The following PARP15 variants were observed in gnomAD, a reference collection of about 807,000 sequenced individuals.
PARP15 encodes the protein poly(ADP-ribose) polymerase family member 15, also known as protein mono-ADP-ribosyltransferase PARP15.
In PARP15, 50 loss-of-function variants were observed where a neutral mutation model predicts 62.1. The observed-to-expected ratio is 0.81, with a 90% CI of 0.64 to 1.02. The LOEUF is 1.02. PARP15 is among the 50% of genes least tolerant of loss of function. The pLI, the probability that PARP15 is intolerant of heterozygous loss-of-function variation, is 0.00. For missense variants in PARP15, 820 were observed against 826.5 expected (o/e 0.99, Z 0.10); for synonymous variants, 309 against 293.1 (o/e 1.05, Z -0.55).
At chr3:122,619,509 T>G (rs1936199942) in intron 6 of PARP15, among the ~76,000 whole-genome samples, 1 of 152,168 alleles carries the variant, frequency 6.6e-6, no homozygotes, top group African/African-American at 2.4e-5. Flanking sequence ...GCAAAAAATT[T>G]CAAATAACTG....
intron 6 of PARP15, among the ~76,000 whole-genome samples, chr3:122,618,834 C>T (rs192252118): frequency 9.2e-5 from 14 of 152,262 alleles, no homozygotes; most frequent in Admixed American, 2.0e-4. Flanking sequence ...GCTGCCTGCT[C>T]GCCTTACACT....
In PARP15 at chr3:122,586,258, G is replaced by A. The variant is rs560879108; in HGVS notation, c.186+8405G>A. Reference sequence around the variant, plus strand: ...TTTTTTTCCTATCACCTCTGTTGGAGTGCAGTGGCCTAATCATGACTCACT... The same window carrying A: ...TTTTTTTCCTATCACCTCTGTTGGAATGCAGTGGCCTAATCATGACTCACT... On this transcript the variant is annotated intron_variant, in intron 1 of 11. Transcript: ENST00000464300. 2.5e-4 allele frequency among the ~76,000 whole-genome samples: 38 copies of A among 151,792 alleles called. 1 individual carries two copies. The East Asian group carries it at 2.7e-3, about 11-fold the overall frequency.
At chr3:122,620,825 C>T (rs897923235) in intron 7 of PARP15, among the ~76,000 whole-genome samples, 3 of 152,014 alleles carry the variant, frequency 2.0e-5, no homozygotes, top group Non-Finnish European at 2.9e-5. Flanking sequence ...ATCCACTCTC[C>T]TCCTCCCTTT....
chr3:122,633,831 T>C (rs2877628), intron 10 of PARP15, among the ~76,000 whole-genome samples: 57,633 of 152,016 alleles, frequency 0.38, 11,036 homozygotes, highest in East Asian at 0.48. Flanking sequence ...ACAATATCTG[T>C]GACTTTCTTG....
intron 1 of PARP15, among the ~76,000 whole-genome samples, chr3:122,596,810 A>C (rs890841587): frequency 6.6e-6 from 1 of 152,212 alleles, no homozygotes; most frequent in East Asian, 1.9e-4. Flanking sequence ...GGTGAAGCCA[A>C]AAAGTATCCC....
At chr3:122,619,096 C>T (rs1170950671) in intron 6 of PARP15, among the ~76,000 whole-genome samples, 4 of 152,086 alleles carry the variant, frequency 2.6e-5, no homozygotes, top group African/African-American at 7.2e-5. Flanking sequence ...TTCTGCATGC[C>T]GGCTTCTGTG....
At position 122,615,084 on chromosome 3, in the gene PARP15, A is replaced by C. The variant is rs78899654; in HGVS notation, c.772-695A>C. The C allele has an allele frequency of 2.2e-4, 215 of 984,408 alleles. No individual in the cohort carries two copies. In the African/African-American group the frequency reaches 3.6e-3, roughly 17 times the overall value. The allele number at this position is 984,408 out of a possible 1,614,324, so 61.0% of individuals were successfully genotyped here. A position where few individuals can be genotyped will look rare whatever the true frequency, so the allele number is the denominator to read the frequency against. Reference sequence around the variant, plus strand: ...AAAGAAAGAAAGAAAGAGAAAAAGAAAAAGTAGAAACAGTCCCAAAGATAC... The same window carrying C: ...AAAGAAAGAAAGAAAGAGAAAAAGACAAAGTAGAAACAGTCCCAAAGATAC... On this transcript the variant is annotated intron_variant, in intron 4 of 11. Coordinates refer to ENST00000464300, the MANE Select transcript of PARP15 (RefSeq NM_001113523.3).
At chr3:122,597,304 C>T (rs528781792) in intron 1 of PARP15, among the ~76,000 whole-genome samples, 1 of 152,148 alleles carries the variant, frequency 6.6e-6, no homozygotes, top group Non-Finnish European at 1.5e-5. Context: ...TAGGTTTCAA[C>T]ATCAGTTTTG....
intron 10 of PARP15, among the ~76,000 whole-genome samples, chr3:122,633,153 A>G (rs1937155451): frequency 6.6e-6 from 1 of 152,198 alleles, no homozygotes; most frequent in African/African-American, 2.4e-5. Context: ...AGGTACTTTG[A>G]TAACTTTTCA....
chr3:122,612,038 T>C (rs1291241899), intron 3 of PARP15, among the ~76,000 whole-genome samples: 1 of 151,192 alleles, frequency 6.6e-6, no homozygotes, highest in South Asian at 2.1e-4. Flanking sequence ...TTAGTTGAGA[T>C]TCTCTTTCTC....
chr3:122,597,615 C>T (rs74772837), intron 1 of PARP15, among the ~76,000 whole-genome samples: 11,090 of 152,010 alleles, frequency 0.073, 1,312 homozygotes, highest in African/African-American at 0.25. Context: ...TATCCCAGAC[C>T]ATACCTTATA....
At chr3:122,599,962 T>C (rs934292842) in intron 1 of PARP15, among the ~76,000 whole-genome samples, 3 of 152,142 alleles carry the variant, frequency 2.0e-5, no homozygotes, top group African/African-American at 7.2e-5. Flanking sequence ...ATCTGACACA[T>C]AACAGGTACC....
chr3:122,606,545 C>T (rs892938013), intron 2 of PARP15, among the ~76,000 whole-genome samples: 3 of 152,186 alleles, frequency 2.0e-5, no homozygotes, highest in African/African-American at 7.2e-5. Flanking sequence ...TCCTCTCCTA[C>T]TGTTTCCTCT....
intron 1 of PARP15, among the ~76,000 whole-genome samples, chr3:122,583,146 G>T (rs1486478037): frequency 1.8e-5 from 2 of 114,010 alleles, no homozygotes; most frequent in Non-Finnish European, 1.7e-5. Context: ...TTGAGATGGA[G>T]TATTGCTCTT....
At chr3:122,605,380 T>G (rs960223769) in intron 1 of PARP15, among the ~76,000 whole-genome samples, 3 of 152,156 alleles carry the variant, frequency 2.0e-5, no homozygotes, top group Non-Finnish European at 2.9e-5. Context: ...TTGGCTATGC[T>G]AGGATTCTTG....
rs1455118885 is a variant in PARP15, at chr3:122,577,682, C to A, written c.15C>A (p.Gly5=). 1 of 1,551,402 alleles carries A rather than the reference C, an allele frequency of 6.4e-7. No individual in the cohort carries two copies. The highest frequency in any genetic ancestry group is 1.4e-5 in the African/African-American group (1 of 73,030). The part of the protein sequence containing the change: MAAP[G]PLPAAALSPG... The stretch of plus-strand genomic sequence containing the variant: ...GCGAGCTGAGGATGGCTGCGCCAGG[C>A]CCCCTTCCTGCCGCTGCTCTGAGTC... The change falls in exon 1 of 12, where the codon GGC becomes GGA. Residue 5 remains glycine (G), a synonymous_variant. Transcript: ENST00000464300.
chr3:122,608,936 G>A (rs1350859268), intron 2 of PARP15, among the ~76,000 whole-genome samples: 2 of 151,544 alleles, frequency 1.3e-5, no homozygotes, highest in Non-Finnish European at 2.9e-5. Context: ...TTTTTTAATT[G>A]TAGAGACAAA....
rs1937371994 is a variant in PARP15, at chr3:122,636,352, C to A, written c.*252C>A. The A allele has an allele frequency of 2.3e-6, 1 of 437,704 alleles. No individual in the cohort carries two copies. The highest frequency in any genetic ancestry group is 3.7e-5 in the Admixed American group (1 of 27,076). The allele number at this position is 437,704 out of a possible 1,614,324, so 27.1% of individuals were successfully genotyped here. A position where few individuals can be genotyped will look rare whatever the true frequency, so the allele number is the denominator to read the frequency against. ...CTACAACCATTCACAGACACCAAAT[C>A]TCTAGGAGAATAAAAAGCACATTAT... is the stretch of plus-strand genomic sequence containing the variant. On this transcript the variant is annotated 3_prime_UTR_variant, in exon 12 of 12. Coordinates refer to ENST00000464300, the MANE Select transcript of PARP15 (RefSeq NM_001113523.3).
intron 1 of PARP15, among the ~76,000 whole-genome samples, chr3:122,593,893 G>A (rs1934141848): frequency 1.3e-5 from 2 of 152,244 alleles, no homozygotes; most frequent in Admixed American, 1.3e-4. Context: ...AATTGTGAGG[G>A]AAATATGCAT....
Sources: gnomAD v4.1 joint callset for allele counts (sites outside exome capture counted in the v4.1 genomes callset) on GRCh38, gnomAD v4.1.1 for gene constraint, MANE v1.5 for transcripts, NCBI Gene and HGNC (gene_info 2026-07-23, HGNC 2026-07-21) for gene names.